The following ZBTB46 variants were observed in gnomAD, a reference collection of about 807,000 sequenced individuals.
The protein encoded by ZBTB46 is zinc finger and BTB domain containing 46, also known as zinc finger and BTB domain-containing protein 46.
A neutral mutation model predicts 44.1 loss-of-function variants in ZBTB46; 8 were observed. The ratio of observed to expected loss-of-function variants is 0.18; its 90% CI spans 0.11 to 0.33. The LOEUF is 0.33. Ranked by LOEUF, ZBTB46 falls within the 10% of genes least tolerant of loss-of-function variation. The pLI, the probability that ZBTB46 is intolerant of heterozygous loss-of-function variation, is 1.00. For synonymous variants in ZBTB46, 409 were observed against 382.3 expected (o/e 1.07, Z -0.81); for missense variants, 651 against 847.7 (o/e 0.77, Z 2.88).
rs1378094576 is a variant in ZBTB46, at chr20:63,746,972, G to A, written c.1728C>T (p.Ser576=). ...KDEEDSPRPR[S]PPGGPDKDFA... is the part of the protein sequence containing the mutation. ...AGTCCTTGTCAGGGCCTCCTGGGGG[G>A]CTGCGCGGCCGCGGCGAGTCTTCCT... Residue 576 remains serine, a synonymous_variant, in exon 5 of 5, where the codon AGC becomes AGT. Coordinates refer to ENST00000245663, the MANE Select transcript of ZBTB46 (RefSeq NM_001369741.1). The A allele has an allele frequency of 4.4e-6, 7 of 1,599,554 alleles. No homozygotes were observed. Among genetic ancestry groups the A allele is most frequent in the East Asian group, 2.2e-5 (1 of 44,506 alleles).
In ZBTB46 at chr20:63,779,406, ATTTTT is replaced by A. The variant is rs59166121; in HGVS notation, c.938-3449_938-3445del. 2.2e-4 allele frequency among the ~76,000 whole-genome samples: 23 copies of A among 105,552 alleles called. No homozygotes were observed. The South Asian group carries it at 4.1e-3, about 19-fold the overall frequency. The allele number at this position is 105,552 out of a possible 152,430, so 69.2% of individuals were successfully genotyped here. A position where few individuals can be genotyped will look rare whatever the true frequency, so the allele number is the denominator to read the frequency against. On this transcript the variant is annotated intron_variant, in intron 2 of 4. Transcript: ENST00000245663. ...CAGGTGCGTGCCACCACGCCGGCTA[ATTTTT>A]TTTTTTTTTTTTTTTTTTTTTTTTT...
chr20:63,819,422 C>T (rs2092778893), intron 1 of ZBTB46, among the ~76,000 whole-genome samples: 1 of 152,130 alleles, frequency 6.6e-6, no homozygotes, highest in South Asian at 2.1e-4. Context: ...CCTTCCTGAC[C>T]CTGAATCTCA....
At position 63,813,090 on chromosome 20, in the gene ZBTB46, G is replaced by A. The variant is rs144157979; in HGVS notation, c.-34+18007C>T. Among the ~76,000 whole-genome samples, 465 of 144,006 alleles carry A rather than the reference G, an allele frequency of 3.2e-3. 6 individuals carry two copies. Among genetic ancestry groups the A allele is most frequent in the African/African-American group, 0.012 (434 of 37,504 alleles). The allele number at this position is 144,006 out of a possible 152,430, so 94.5% of individuals were successfully genotyped here. A position where few individuals can be genotyped will look rare whatever the true frequency, so the allele number is the denominator to read the frequency against. On this transcript the variant is annotated intron_variant, in intron 1 of 4. Transcript: ENST00000245663. ...TCCAGCCTGGTGAGAGTGAGACTCC[G>A]TCTCAAAAAAACAAAACAAAACAAA...
chr20:63,747,015 A>G lies in ZBTB46; in HGVS notation c.1685T>C (p.Leu562Ser). 6.2e-7 allele frequency: 1 copy of G among 1,608,110 alleles called. No individual in the cohort carries two copies. Among genetic ancestry groups the G allele is most frequent in the Non-Finnish European group, 8.5e-7 (1 of 1,179,562 alleles). Reference sequence around the variant, plus strand: ...GTCTTCCTCATCCTTGTCGTCCGCCAACAGCGCATCCTCAGGGGCCAGGCC... The same window carrying G: ...GTCTTCCTCATCCTTGTCGTCCGCCGACAGCGCATCCTCAGGGGCCAGGCC... Reference protein sequence around the residue: ...DEGLAPEDALLADDKDEEDSP... With the variant: ...DEGLAPEDALSADDKDEEDSP... The change falls in exon 5 of 5, where the codon TTG (leucine) becomes TCG (serine). Residue 562 changes from leucine to serine, a missense_variant. Around this residue, in one of 5 missense-constraint regions of ZBTB46, gnomAD observed 106 missense variants for 81.0 expected, o/e 1.31. Coordinates refer to ENST00000245663, the MANE Select transcript of ZBTB46 (RefSeq NM_001369741.1).
rs1159315215 is a variant in ZBTB46, at chr20:63,775,794, T to C, written c.1106A>G (p.Asn369Ser). ...DALHQATAVA[N>S]LRAALMSKNS... is the part of the protein sequence containing the mutation. ...CTTACTCATGAGCGCCGCGCGCAGG[T>C]TGGCCACCGCGGTGGCCTGATGCAG... The change falls in exon 3 of 5, where the codon AAC (asparagine) becomes AGC (serine). Residue 369 changes from asparagine (N) to serine (S), a missense_variant. By Grantham distance (46) the Asn-to-Ser change is conservative. Coordinates refer to ENST00000245663, the MANE Select transcript of ZBTB46 (RefSeq NM_001369741.1). The C allele has an allele frequency of 1.3e-5, 21 of 1,613,228 alleles. No homozygotes were observed. The highest frequency in any genetic ancestry group is 1.6e-4 in the Middle Eastern group (1 of 6,068).
chr20:63,818,140 A>T (rs2092770698), intron 1 of ZBTB46, among the ~76,000 whole-genome samples: 2 of 152,148 alleles, frequency 1.3e-5, no homozygotes, highest in South Asian at 2.1e-4. Flanking sequence ...TTGAGTCTGT[A>T]GTTTTGAGGT....
intron 1 of ZBTB46, among the ~76,000 whole-genome samples, chr20:63,824,435 C>A (rs1568911100): frequency 6.6e-6 from 1 of 152,116 alleles, no homozygotes; most frequent in Admixed American, 6.5e-5. Context: ...CACACCAAGA[C>A]AAGAAAGACT....
At chr20:63,798,965 C>T (rs1202957597) in intron 1 of ZBTB46, among the ~76,000 whole-genome samples, 3 of 152,052 alleles carry the variant, frequency 2.0e-5, no homozygotes, top group African/African-American at 4.8e-5. Context: ...CAAAGGTGGC[C>T]GCAGCCATCT....
intron 1 of ZBTB46, among the ~76,000 whole-genome samples, chr20:63,810,357 G>A (rs1601521469): frequency 6.6e-6 from 1 of 152,250 alleles, no homozygotes; most frequent in South Asian, 2.1e-4. Flanking sequence ...AGAAATTAAC[G>A]GGAAGAAATG....
intron 1 of ZBTB46, among the ~76,000 whole-genome samples, chr20:63,811,188 C>T (rs1013707347): frequency 2.6e-5 from 4 of 151,804 alleles, no homozygotes; most frequent in African/African-American, 4.8e-5. Context: ...AGCCCCACCC[C>T]GCCCAGCCCA....
intron 1 of ZBTB46, among the ~76,000 whole-genome samples, chr20:63,821,184 C>CTTGT (rs2092790180): frequency 7.1e-6 from 1 of 140,046 alleles, no homozygotes; most frequent in East Asian, 2.1e-4. Context: ...TGCGCCCGGC[C>CTTGT]TTTTTTTTTT....
At chr20:63,815,494 T>C (rs2092745051) in intron 1 of ZBTB46, among the ~76,000 whole-genome samples, 1 of 135,200 alleles carries the variant, frequency 7.4e-6, no homozygotes, top group Admixed American at 7.5e-5. Context: ...TGAGTGCAGG[T>C]GGGCACAGGT....
rs2092094040 is a variant in ZBTB46 at position 63,746,814 on chromosome 20, G to A, written c.*116C>T. ...CCGTGGGGGGTGGGTTCAGGGGGAA[G>A]CAGAGGAGGGGCCGCGAGAGGGGTG... On this transcript the variant is annotated 3_prime_UTR_variant, in exon 5 of 5. Coordinates refer to ENST00000245663, the MANE Select transcript of ZBTB46 (RefSeq NM_001369741.1). The A allele has an allele frequency of 2.9e-6, 4 of 1,395,050 alleles. No individual in the cohort carries two copies. Among genetic ancestry groups the A allele is most frequent in the Non-Finnish European group, 9.3e-7 (1 of 1,072,130 alleles). 86.4% of individuals were successfully genotyped at this position (1,395,050 alleles called of 1,614,324 possible).
intron 2 of ZBTB46, among the ~76,000 whole-genome samples, chr20:63,786,064 G>A (rs143716285): frequency 5.1e-4 from 78 of 152,328 alleles, no homozygotes; most frequent in African/African-American, 1.8e-3. Context: ...TTACGTGCAC[G>A]CACAGGGAGG....
chr20:63,810,719 C>G (rs1042454655), intron 1 of ZBTB46, among the ~76,000 whole-genome samples: 3 of 152,180 alleles, frequency 2.0e-5, no homozygotes, highest in Non-Finnish European at 4.4e-5. Flanking sequence ...GCACTCCAGT[C>G]TGGGCAACAG....
chr20:63,790,361 T>C lies in ZBTB46; in HGVS notation c.397A>G (p.Ile133Val). ...DFIKAALDISIKSDASDELAE... is the reference protein window; with the variant it reads ...DFIKAALDISVKSDASDELAE... ...AGCTCATCTGAGGCGTCCGACTTGA[T>C]GCTGATGTCCAGCGCCGCCTTGATG... The change falls in exon 2 of 5, where the codon ATC (isoleucine) becomes GTC (valine). Residue 133 changes from isoleucine (I) to valine (V), a missense_variant. Transcript: ENST00000245663. The C allele has an allele frequency of 6.2e-7, 1 of 1,613,294 alleles. No individual in the cohort carries two copies. Among genetic ancestry groups the C allele is most frequent in the Non-Finnish European group, 8.5e-7 (1 of 1,179,966 alleles).
intron 1 of ZBTB46, among the ~76,000 whole-genome samples, chr20:63,802,552 C>T (rs1372285115): frequency 6.6e-6 from 1 of 152,070 alleles, no homozygotes; most frequent in Admixed American, 6.6e-5. Context: ...TGGAGAGAGG[C>T]CTGGAGCAGA....
intron 3 of ZBTB46, among the ~76,000 whole-genome samples, 153 bp from the exon 4 acceptor site, chr20:63,753,014 G>A (rs1030775182): frequency 6.6e-6 from 1 of 152,212 alleles, no homozygotes; most frequent in African/African-American, 2.4e-5. Context: ...GACAGGCCAG[G>A]CTCCCCCACC....
upstream of ZBTB46, among the ~76,000 whole-genome samples, chr20:63,833,159 G>C (rs749836607): frequency 1.3e-5 from 2 of 152,238 alleles, no homozygotes; most frequent in Non-Finnish European, 2.9e-5. Context: ...CAGGGATGGA[G>C]AGCAGCAGCA....
Sources: gnomAD v4.1 joint callset for allele counts (sites outside exome capture counted in the v4.1 genomes callset) on GRCh38, gnomAD v4.1.1 for gene constraint, gnomAD v4.1.1 regional missense constraint, MANE v1.5 for transcripts, NCBI Gene and HGNC (gene_info 2026-07-23, HGNC 2026-07-21) for gene names.